Variants in ANAPC10 observed in about 807,000 individuals in gnomAD.
The protein encoded by ANAPC10 is anaphase-promoting complex subunit 10.
In ANAPC10, 12 loss-of-function variants were observed where a neutral mutation model predicts 22.0. The ratio of observed to expected loss-of-function variants is 0.55; its 90% CI spans 0.35 to 0.88. The LOEUF (loss-of-function observed/expected upper bound fraction) is 0.88, where lower values mean the gene tolerates loss of function less well. ANAPC10 is among the 40% of genes least tolerant of loss of function. ANAPC10 has a pLI of 0.01. For missense variants in ANAPC10, 188 were observed against 220.9 expected (o/e 0.85, Z 0.94); for synonymous variants, 65 against 69.5 (o/e 0.94, Z 0.32).
At chr4:145,071,728 C>T (rs946326673) in intron 3 of ANAPC10, among the ~76,000 whole-genome samples, 1 of 152,068 alleles carries the variant, frequency 6.6e-6, no homozygotes. Flanking sequence ...GCTGGAGGTA[C>T]TACCATGTAA....
At chr4:145,066,142 G>C (rs910028613) in intron 3 of ANAPC10, among the ~76,000 whole-genome samples, 5 of 152,120 alleles carry the variant, frequency 3.3e-5, no homozygotes, top group African/African-American at 1.2e-4. Context: ...AAAAACAGCA[G>C]GGGCTCTGTA....
chr4:145,075,941 T>A (rs1429718934), intron 3 of ANAPC10, among the ~76,000 whole-genome samples: 19 of 152,144 alleles, frequency 1.2e-4, no homozygotes, highest in Admixed American at 1.2e-3. Flanking sequence ...TATAGGGCTG[T>A]CTTACCCATG....
intron 3 of ANAPC10, among the ~76,000 whole-genome samples, chr4:145,070,710 T>C (rs181500610): frequency 6.6e-6 from 1 of 152,210 alleles, no homozygotes; most frequent in African/African-American, 2.4e-5. Flanking sequence ...TTCATAACAG[T>C]ATTATTTACA....
chr4:145,081,878 TTTTA>T (rs1488034954), intron 2 of ANAPC10, 128 bp from the exon 3 acceptor site: 11 of 709,894 alleles, frequency 1.5e-5, no homozygotes, highest in Admixed American at 1.5e-4. Context: ...ATTAATTTTT[TTTTA>T]TTTATTTTTT....
chr4:145,040,428 G>A lies in ANAPC10; in HGVS notation c.327+24144C>T, dbSNP rs142534230. Reference sequence around the variant, plus strand: ...CTCCCAAAGTGCTGGGATTACAGGCGTGGGCCACCATGCCCAGCCTATTGT... The same window carrying A: ...CTCCCAAAGTGCTGGGATTACAGGCATGGGCCACCATGCCCAGCCTATTGT... On this transcript the variant is annotated intron_variant, in intron 4 of 4. Transcript: ENST00000507656. 7.0e-3 allele frequency among the ~76,000 whole-genome samples: 1,070 copies of A among 152,308 alleles called. 16 individuals carry two copies. The highest frequency in any genetic ancestry group is 0.025 in the African/African-American group (1,019 of 41,564).
rs1203858529 is a variant in ANAPC10, at chr4:145,026,920, C to CATATATACAT, written c.328-31318_328-31317insATGTATATAT. Among the ~76,000 whole-genome samples, 46 of 17,020 alleles carry CATATATACAT rather than the reference C, an allele frequency of 2.7e-3. 6 individuals are homozygous for CATATATACAT. The highest frequency in any genetic ancestry group is 5.4e-3 in the South Asian group (1 of 184). The allele number at this position is 17,020 out of a possible 152,430, so 11.2% of individuals were successfully genotyped here. ...CAAATGAAGTTTTTGCCTATACATA[C>CATATATACAT]ATATATATATATATATATATATATA... On this transcript the variant is annotated intron_variant, in intron 4 of 4. Transcript: ENST00000507656.
At chr4:145,054,725 T>C (rs1214081468) in intron 4 of ANAPC10, among the ~76,000 whole-genome samples, 4 of 151,638 alleles carry the variant, frequency 2.6e-5, no homozygotes, top group African/African-American at 9.7e-5. Flanking sequence ...TGTGTGTGCA[T>C]GTGTCCATGG....
intron 4 of ANAPC10, among the ~76,000 whole-genome samples, chr4:145,054,785 A>G (rs766645824): frequency 3.9e-5 from 6 of 151,996 alleles, no homozygotes; most frequent in East Asian, 1.9e-4. Context: ...AATGAAGACT[A>G]TAAGAGACCC....
At chr4:144,995,726 G>A (rs1731511868) in intron 4 of ANAPC10, 123 bp from the exon 5 acceptor site, 1 of 695,212 alleles carries the variant, frequency 1.4e-6, no homozygotes, top group Non-Finnish European at 2.3e-6. Flanking sequence ...ATGACAATAT[G>A]ATAATAATCA....
intron 4 of ANAPC10, among the ~76,000 whole-genome samples, chr4:145,047,795 C>T (rs1162849765): frequency 6.6e-6 from 1 of 152,134 alleles, no homozygotes; most frequent in African/African-American, 2.4e-5. Flanking sequence ...AACTGGCTGA[C>T]AGTAACTTTG....
At chr4:145,097,360 TAA>T (rs1265816214) in intron 1 of ANAPC10, 3 of 595,030 alleles carry the variant, frequency 5.0e-6, no homozygotes, top group East Asian at 1.4e-4. Context: ...TTAATTTTAC[TAA>T]GTCTATTCAT....
chr4:145,056,983 G>A (rs1183741236), intron 4 of ANAPC10, among the ~76,000 whole-genome samples: 1 of 152,098 alleles, frequency 6.6e-6, no homozygotes, highest in Non-Finnish European at 1.5e-5. Flanking sequence ...AACAGTGCAG[G>A]TCTTCTATAA....
At chr4:145,028,227 T>C (rs1453049438) in intron 4 of ANAPC10, among the ~76,000 whole-genome samples, 1 of 152,118 alleles carries the variant, frequency 6.6e-6, no homozygotes, top group Non-Finnish European at 1.5e-5. Flanking sequence ...CCAGCCTTAA[T>C]CTGGTGGGCA....
intron 4 of ANAPC10, among the ~76,000 whole-genome samples, chr4:145,015,409 TA>T (rs1050229769): frequency 6.6e-6 from 1 of 151,408 alleles, no homozygotes; most frequent in African/African-American, 2.4e-5. Flanking sequence ...AATAAGAAAA[TA>T]TGAACAAAGT....
At chr4:145,058,719 T>G (rs1280945384) in intron 4 of ANAPC10, among the ~76,000 whole-genome samples, 1 of 152,144 alleles carries the variant, frequency 6.6e-6, no homozygotes, top group Non-Finnish European at 1.5e-5. Context: ...AGATGATACT[T>G]CTTCTTAAAA....
At chr4:144,996,980 G>T (rs1731716187) in intron 4 of ANAPC10, among the ~76,000 whole-genome samples, 1 of 152,128 alleles carries the variant, frequency 6.6e-6, no homozygotes, top group African/African-American at 2.4e-5. Context: ...GTGGAAGAAA[G>T]GGTAACAGTG....
At chr4:144,998,235 T>A (rs1214939157) in intron 4 of ANAPC10, among the ~76,000 whole-genome samples, 1 of 152,182 alleles carries the variant, frequency 6.6e-6, no homozygotes, top group Non-Finnish European at 1.5e-5. Flanking sequence ...GCGGACCTAA[T>A]AGACATCCAC....
chr4:145,034,575 G>GTGTGTGTGTGTGTA (rs750027962), intron 4 of ANAPC10, among the ~76,000 whole-genome samples: 11 of 125,628 alleles, frequency 8.8e-5, no homozygotes, highest in African/African-American at 3.8e-4. Context: ...GTGTGTGTGT[G>GTGTGTGTGTGTGTA]TATATATCCC....
chr4:145,034,661 T>C (rs1308117205), intron 4 of ANAPC10, among the ~76,000 whole-genome samples: 1 of 151,302 alleles, frequency 6.6e-6, no homozygotes, highest in Non-Finnish European at 1.5e-5. Flanking sequence ...AAAAATTATA[T>C]GTATATAATC....
Sources: allele counts gnomAD v4.1 joint callset (sites outside exome capture counted in the v4.1 genomes callset), GRCh38; gene constraint gnomAD v4.1.1; transcripts MANE v1.5; gene names NCBI Gene and HGNC (gene_info 2026-07-23, HGNC 2026-07-21).